The following TENM2 variants were observed in gnomAD, a reference collection of about 807,000 sequenced individuals.
TENM2 encodes teneurin-2.
In TENM2, 52 loss-of-function variants were observed where a neutral mutation model predicts 245.2. The observed-to-expected ratio is 0.21, with a 90% CI of 0.17 to 0.27. The LOEUF (loss-of-function observed/expected upper bound fraction) is 0.27. Ranked by LOEUF, TENM2 falls within the 10% of genes least tolerant of loss-of-function variation. The pLI is 1.00. For missense variants in TENM2, 3,046 were observed against 3,666.8 expected (o/e 0.83, Z 4.37); for synonymous variants, 1,363 against 1,438.9 (o/e 0.95, Z 1.19).
chr5:167,362,965 C>A (rs996436036), intron 1 of TENM2, among the ~76,000 whole-genome samples: 6 of 152,064 alleles, frequency 3.9e-5, no homozygotes, highest in African/African-American at 1.4e-4. Flanking sequence ...GTATTTATTG[C>A]ATGTGACCAC....
intron 23 of TENM2, among the ~76,000 whole-genome samples, chr5:168,224,120 CTAT>C (rs1344813650): frequency 1.3e-5 from 2 of 152,230 alleles, no homozygotes; most frequent in Non-Finnish European, 2.9e-5. Flanking sequence ...TAATTTGTCA[CTAT>C]TGTAAATAGC....
At chr5:168,196,965 A>G (rs1018842839) in intron 15 of TENM2, among the ~76,000 whole-genome samples, 1 of 152,138 alleles carries the variant, frequency 6.6e-6, no homozygotes, top group African/African-American at 2.4e-5. Flanking sequence ...CAGCTTGTTC[A>G]GGTTGTAAAG....
the TENM2 span, among the ~76,000 whole-genome samples, chr5:167,106,223 G>C: frequency 2.6e-5 from 4 of 151,966 alleles, no homozygotes; most frequent in African/African-American, 7.3e-5. Flanking sequence ...TCCTCTTTTC[G>C]GTACAGGAAT....
At chr5:167,495,502 A>G (rs1282910905) in intron 2 of TENM2, among the ~76,000 whole-genome samples, 3 of 152,110 alleles carry the variant, frequency 2.0e-5, no homozygotes, top group Non-Finnish European at 2.9e-5. Context: ...TACATGATCC[A>G]AGCTGGATTT....
intron 10 of TENM2, among the ~76,000 whole-genome samples, chr5:168,120,773 C>CT (rs1226792386): frequency 6.6e-6 from 1 of 152,146 alleles, no homozygotes; most frequent in East Asian, 1.9e-4. Flanking sequence ...TTCCATTTAG[C>CT]TTTTTTATTT....
intron 3 of TENM2, among the ~76,000 whole-genome samples, chr5:167,915,552 G>T (rs1302794052): frequency 6.6e-6 from 1 of 152,076 alleles, no homozygotes; most frequent in Non-Finnish European, 1.5e-5. Flanking sequence ...GAAGCATGTG[G>T]GTGGGTCTCA....
intron 2 of TENM2, among the ~76,000 whole-genome samples, chr5:167,619,474 A>T (rs2127766721): frequency 6.6e-6 from 1 of 152,168 alleles, no homozygotes; most frequent in African/African-American, 2.4e-5. Context: ...GGGCACATTA[A>T]AGTCATGGTC....
chr5:168,220,373 G>A (rs1763567896), intron 23 of TENM2, among the ~76,000 whole-genome samples: 1 of 152,174 alleles, frequency 6.6e-6, no homozygotes, highest in African/African-American at 2.4e-5. Context: ...AGAAGCTTGG[G>A]TTCAAGTGCA....
chr5:167,884,531 C>G (rs1774130946), intron 3 of TENM2, among the ~76,000 whole-genome samples: 1 of 152,190 alleles, frequency 6.6e-6, no homozygotes, highest in Admixed American at 6.5e-5. Flanking sequence ...TTTCACTTAG[C>G]ATAATGTCTT....
chr5:167,563,960 A>G (rs1773748373), intron 2 of TENM2, among the ~76,000 whole-genome samples: 1 of 152,184 alleles, frequency 6.6e-6, no homozygotes, highest in Admixed American at 6.5e-5. Flanking sequence ...CTAAGGATTC[A>G]TGTCTCAGAA....
chr5:168,033,459 T>G (rs139443889), intron 5 of TENM2, among the ~76,000 whole-genome samples: 2 of 152,318 alleles, frequency 1.3e-5, no homozygotes, highest in Non-Finnish European at 2.9e-5. Context: ...GGTGATTTTT[T>G]TTTAATGATC....
intron 19 of TENM2, among the ~76,000 whole-genome samples, chr5:168,205,198 C>G (rs1168926699): frequency 1.3e-5 from 2 of 152,088 alleles, no homozygotes; most frequent in Non-Finnish European, 2.9e-5. Context: ...TGATTTCAGA[C>G]CCTCAACTCA....
chr5:168,076,967 T>G (rs3097826), intron 7 of TENM2, among the ~76,000 whole-genome samples: 39,500 of 152,040 alleles, frequency 0.26, 5,346 homozygotes, highest in East Asian at 0.49. Context: ...TACACTGGAT[T>G]AAGAGTGTCC....
chr5:167,650,810 A>G lies in TENM2; in HGVS notation c.503-225176A>G, dbSNP rs537939121. ...GACTTGTTATATAGAACTTGAGTCT[A>G]TGGTTCAACACTCTCTGATCTGTGA... On this transcript the variant is annotated intron_variant, in intron 2 of 28. Coordinates refer to ENST00000518659, the Ensembl canonical transcript of TENM2. Among the ~76,000 whole-genome samples, 13 of 152,284 alleles carry G rather than the reference A, an allele frequency of 8.5e-5. No individual in the cohort carries two copies. The South Asian group carries it at 1.4e-3, about 17-fold the overall frequency.
chr5:167,687,239 G>A (rs1304053682), intron 2 of TENM2, among the ~76,000 whole-genome samples: 5 of 152,154 alleles, frequency 3.3e-5, no homozygotes, highest in African/African-American at 1.2e-4. Context: ...TGGTACCAAT[G>A]TCACATTACA....
intron 2 of TENM2, among the ~76,000 whole-genome samples, chr5:167,723,958 C>T (rs1351898970): frequency 2.0e-5 from 3 of 152,218 alleles, no homozygotes; most frequent in Non-Finnish European, 4.4e-5. Flanking sequence ...TGTTCAGACA[C>T]ACTGAGGTAT....
intron 1 of TENM2, among the ~76,000 whole-genome samples, chr5:167,370,864 C>T (rs1290403146): frequency 6.6e-6 from 1 of 152,168 alleles, no homozygotes; most frequent in Non-Finnish European, 1.5e-5. Context: ...CTTGGAGAAT[C>T]ACACAATGAG....
chr5:167,466,292 C>T (rs1212537299), intron 2 of TENM2, among the ~76,000 whole-genome samples: 2 of 152,206 alleles, frequency 1.3e-5, no homozygotes, highest in African/African-American at 4.8e-5. Context: ...CTCACGAACT[C>T]TCCTCCCTAC....
chr5:167,713,698 G>A (rs565132215), intron 2 of TENM2, among the ~76,000 whole-genome samples: 1 of 152,194 alleles, frequency 6.6e-6, no homozygotes, highest in East Asian at 1.9e-4. Context: ...ACAATTTGGT[G>A]AGCACACATG....
Sources: gnomAD v4.1 joint callset for allele counts (sites outside exome capture counted in the v4.1 genomes callset) on GRCh38, gnomAD v4.1.1 for gene constraint, MANE v1.5 for transcripts, NCBI Gene and HGNC (gene_info 2026-07-23, HGNC 2026-07-21) for gene names.